The following CDC20B variants were observed in gnomAD, a reference collection of about 807,000 sequenced individuals.
The protein encoded by CDC20B is cell division cycle 20B.
In CDC20B, 58 loss-of-function variants were observed where a neutral mutation model predicts 64.1. The ratio of observed to expected loss-of-function variants is 0.90; its 90% confidence interval spans 0.73 to 1.13. The LOEUF is 1.13. Ranked by LOEUF, CDC20B falls within the 50% of genes most tolerant of loss-of-function variation. The pLI, the probability that CDC20B is intolerant of heterozygous loss-of-function variation, is 0.00. For synonymous variants in CDC20B, 243 were observed against 230.6 expected (o/e 1.05, Z -0.49); for missense variants, 597 against 633.0 (o/e 0.94, Z 0.61).
intron 9 of CDC20B, among the ~76,000 whole-genome samples, chr5:55,120,814 A>C (rs1034025148): frequency 6.6e-6 from 1 of 152,172 alleles, no homozygotes; most frequent in Admixed American, 6.5e-5. Context: ...TTTTTAACAT[A>C]GACTATGCAA....
At chr5:55,143,380 T>A in intron 4 of CDC20B, 133 bp downstream of exon 4, 1 of 901,282 alleles carries the variant, frequency 1.1e-6, no homozygotes, top group Non-Finnish European at 1.6e-6. Context: ...CTTCAATTAT[T>A]CATTTTTTAT....
chr5:55,138,165 T>TAAAAA (rs33958487), intron 5 of CDC20B, among the ~76,000 whole-genome samples: 1 of 141,368 alleles, frequency 7.1e-6, no homozygotes, highest in Non-Finnish European at 1.5e-5. Context: ...GATTTTGAGT[T>TAAAAA]AAAAAAAAAA....
At chr5:55,167,741 A>G (rs1278719573) in intron 2 of CDC20B, among the ~76,000 whole-genome samples, 1 of 152,292 alleles carries the variant, frequency 6.6e-6, no homozygotes, top group African/African-American at 2.4e-5. Flanking sequence ...CACATGCCTC[A>G]GGTCCCAGCT....
Position 55,120,803 on chromosome 5 carries a change from T to C in CDC20B, c.1216-253A>G, listed in dbSNP as rs1317009540. 2.0e-5 allele frequency among the ~76,000 whole-genome samples: 3 copies of C among 152,176 alleles called. No individual in the cohort carries two copies. The East Asian group carries it at 5.8e-4, about 29-fold the overall frequency. ...ATCAAATGATGATAACAATTGTGGA[T>C]TTTTTAACATAGACTATGCAATAAC... On this transcript the variant is annotated intron_variant, in intron 9 of 11. Transcript: ENST00000381375.
chr5:55,128,316 A>T, intron 7 of CDC20B, 105 bp downstream of exon 7: 1 of 823,566 alleles, frequency 1.2e-6, no homozygotes. Context: ...ATACTTCAAG[A>T]GCCACACCTA....
At chr5:55,149,894 G>A (rs1023596097) in intron 2 of CDC20B, among the ~76,000 whole-genome samples, 18 of 152,210 alleles carry the variant, frequency 1.2e-4, no homozygotes, top group Non-Finnish European at 5.9e-5. Context: ...AACACTTTGG[G>A]AGACTGAGGT....
At chr5:55,143,826 G>A (rs1407158840) in intron 3 of CDC20B, among the ~76,000 whole-genome samples, 183 bp from the exon 4 acceptor site, 3 of 152,130 alleles carry the variant, frequency 2.0e-5, no homozygotes, top group African/African-American at 7.2e-5. Context: ...TCGCTCCAAA[G>A]TCCATTGCAG....
rs555015907 is a variant in CDC20B at position 55,156,827 on chromosome 5, T to A, written c.127-9971A>T. On this transcript the variant is annotated intron_variant, in intron 2 of 11. Transcript: ENST00000381375. Reference sequence around the variant, plus strand: ...AGATGGAGGTTGCAGTGAGCCGAGGTTGCACCACTGCACTCCAGTCTAGCC... The same window carrying A: ...AGATGGAGGTTGCAGTGAGCCGAGGATGCACCACTGCACTCCAGTCTAGCC... 2.0e-5 allele frequency among the ~76,000 whole-genome samples: 3 copies of A among 152,258 alleles called. No individual in the cohort carries two copies. In the East Asian group the frequency reaches 5.8e-4, roughly 29 times the overall value.
At chr5:55,168,651 T>C (rs1311138504) in intron 2 of CDC20B, among the ~76,000 whole-genome samples, 1 of 152,092 alleles carries the variant, frequency 6.6e-6, no homozygotes, top group Non-Finnish European at 1.5e-5. Flanking sequence ...GAATATAAAG[T>C]TGGTTTCCCT....
chr5:55,120,607 G>A, intron 9 of CDC20B, 57 bp from the exon 10 acceptor site: 2 of 1,597,060 alleles, frequency 1.3e-6, no homozygotes, highest in Middle Eastern at 1.7e-4. Context: ...GTGCACTCAT[G>A]AATGTGATGC....
chr5:55,121,082 T>C (rs1462485299), intron 9 of CDC20B, among the ~76,000 whole-genome samples: 3 of 152,196 alleles, frequency 2.0e-5, no homozygotes, highest in South Asian at 4.1e-4. Flanking sequence ...TTTATAATTA[T>C]AGTTAATTCT....
At chr5:55,161,655 T>G (rs1163379713) in intron 2 of CDC20B, among the ~76,000 whole-genome samples, 3 of 152,226 alleles carry the variant, frequency 2.0e-5, no homozygotes, top group Non-Finnish European at 2.9e-5. Context: ...TAACATATGT[T>G]TGTGGCTAAT....
Position 55,124,862 on chromosome 5 carries a change from G to A in CDC20B, c.1156C>T (p.Pro386Ser). The change falls in exon 9 of 12, where the codon CCA (proline) becomes TCA (serine). Residue 386 changes from proline (P) to serine (S), a missense_variant. Physicochemically the swap from Pro to Ser is moderately conservative, Grantham distance 74. This residue lies in a region of CDC20B where 353 missense variants were observed against 397.0 expected (regional missense o/e 0.89). Coordinates refer to ENST00000381375, the MANE Select transcript of CDC20B (RefSeq NM_001170402.1). ...GGTTGGCCCTGTGCACTGGCACCTG[G>A]ATCGTGGGGCCATATTGTCAGCAGT... is the stretch of plus-strand genomic sequence containing the variant. ...DGLLTIWPHD[P>S]GASAQGQPLK... is the part of the protein sequence containing the mutation. 6.2e-7 allele frequency: 1 copy of A among 1,614,186 alleles called. No homozygotes were observed. Among genetic ancestry groups the A allele is most frequent in the Non-Finnish European group, 8.5e-7 (1 of 1,180,018 alleles).
intron 4 of CDC20B, among the ~76,000 whole-genome samples, chr5:55,141,466 G>A (rs904470289): frequency 6.6e-6 from 1 of 152,124 alleles, no homozygotes; most frequent in African/African-American, 2.4e-5. Context: ...TGGCCTTCCC[G>A]GTGTTATAAC....
In CDC20B at chr5:55,146,804, T is replaced by C; in HGVS notation, c.179A>G (p.Lys60Arg). Reference sequence around the variant, plus strand: ...AACAGGAACCTCTGCGGACAGCCTCTTCGCAAAGTTGCTCTTAAAGTCAGA... The same window carrying C: ...AACAGGAACCTCTGCGGACAGCCTCCTCGCAAAGTTGCTCTTAAAGTCAGA... ...TYSDFKSNFA[K>R]RLSAEVPVAS... is the part of the protein sequence containing the mutation. Residue 60 changes from lysine (K) to arginine (R), a missense_variant, in exon 3 of 12, where the codon AAG (lysine) becomes AGG (arginine). Transcript: ENST00000381375. The C allele has an allele frequency of 6.2e-6, 10 of 1,614,168 alleles. No individual in the cohort carries two copies. Among genetic ancestry groups the C allele is most frequent in the Non-Finnish European group, 8.5e-6 (10 of 1,180,038 alleles).
chr5:55,147,284 CATAAATATGTTATGT>C (rs1743520062), intron 2 of CDC20B, among the ~76,000 whole-genome samples: 1 of 125,084 alleles, frequency 8.0e-6, no homozygotes, highest in Admixed American at 8.7e-5. Flanking sequence ...ATTATATAAA[CATAAATATGTTATGT>C]TTTATATATT....
Position 55,140,298 on chromosome 5 carries a change from T to A in CDC20B, c.580+16A>T, listed in dbSNP as rs747859674. 1.3e-6 allele frequency: 2 copies of A among 1,534,944 alleles called. No homozygotes were observed. The highest frequency in any genetic ancestry group is 2.3e-5 in the East Asian group (1 of 42,952). On this transcript the variant is annotated intron_variant, in intron 5 of 11. Transcript: ENST00000381375. ...AGAGGAGCGCAGGAAAGAAGGACAA[T>A]GTCTTGATCCTGTACCTTTCCAAAC... is the stretch of plus-strand genomic sequence containing the variant.
chr5:55,151,996 G>A (rs73118139), intron 2 of CDC20B, among the ~76,000 whole-genome samples: 3,418 of 152,322 alleles, frequency 0.022, 125 homozygotes, highest in African/African-American at 0.078. Flanking sequence ...AGCCCTAAAT[G>A]CAATCACATG....
At chr5:55,162,844 T>C (rs978913677) in intron 2 of CDC20B, among the ~76,000 whole-genome samples, 9 of 152,146 alleles carry the variant, frequency 5.9e-5, no homozygotes, top group African/African-American at 1.9e-4. Context: ...AAGGTAACAG[T>C]GAGTTAAGGT....
Sources: gnomAD v4.1 joint callset for allele counts (sites outside exome capture counted in the v4.1 genomes callset) on GRCh38, gnomAD v4.1.1 for gene constraint, gnomAD v4.1.1 regional missense constraint, MANE v1.5 for transcripts, NCBI Gene and HGNC (gene_info 2026-07-23, HGNC 2026-07-21) for gene names.